Variants in ANKRD13C observed in about 807,000 individuals in gnomAD.
ANKRD13C encodes ankyrin repeat domain 13C, also known as ankyrin repeat domain-containing protein 13C.
ANKRD13C carries 16 observed loss-of-function variants against 65.5 expected under a neutral mutation model. That is an observed-to-expected ratio of 0.24 (90% CI 0.17 to 0.37). The LOEUF is 0.37. Among genes scored for constraint, ANKRD13C ranks in the 10% least tolerant of loss-of-function variants. ANKRD13C has a pLI of 1.00. For missense variants in ANKRD13C, 503 were observed against 655.9 expected (o/e 0.77, Z 2.55); for synonymous variants, 235 against 238.7 (o/e 0.98, Z 0.14).
At chr1:70,264,132 GTA>G (rs1013516672) in intron 12 of ANKRD13C, among the ~76,000 whole-genome samples, 110 of 152,010 alleles carry the variant, frequency 7.2e-4, no homozygotes, top group Non-Finnish European at 7.8e-4. Flanking sequence ...AGCTAAGAAA[GTA>G]TTTTACATTT....
intron 9 of ANKRD13C, among the ~76,000 whole-genome samples, chr1:70,286,773 G>A (rs1679639687): frequency 6.6e-6 from 1 of 152,152 alleles, no homozygotes; most frequent in African/African-American, 2.4e-5. Flanking sequence ...ATGACCTGAG[G>A]TCAGGAGTTC....
intron 6 of ANKRD13C, among the ~76,000 whole-genome samples, chr1:70,301,382 G>A (rs1165856606): frequency 3.3e-5 from 5 of 152,088 alleles, no homozygotes; most frequent in African/African-American, 9.7e-5. Flanking sequence ...GACATTATTC[G>A]ATCCCTTTAA....
chr1:70,324,822 T>C (rs2101537376), intron 3 of ANKRD13C, 31 bp downstream of exon 3: 1 of 1,447,204 alleles, frequency 6.9e-7, no homozygotes, highest in Non-Finnish European at 9.5e-7. Flanking sequence ...TTTTAGAAGA[T>C]ATATCAACAA....
At chr1:70,343,686 C>T (rs1187143536) in intron 1 of ANKRD13C, among the ~76,000 whole-genome samples, 1 of 152,106 alleles carries the variant, frequency 6.6e-6, no homozygotes, top group Non-Finnish European at 1.5e-5. Flanking sequence ...GCGTGCACCA[C>T]CATGCCCGAC....
intron 1 of ANKRD13C, among the ~76,000 whole-genome samples, chr1:70,350,211 T>C (rs1048181996): frequency 3.7e-4 from 57 of 152,268 alleles, no homozygotes; most frequent in Admixed American, 3.7e-3. Context: ...TACAGCAATA[T>C]AGTCTCCCTG....
intron 1 of ANKRD13C, among the ~76,000 whole-genome samples, chr1:70,338,308 T>C (rs1466553985): frequency 6.6e-6 from 1 of 152,198 alleles, no homozygotes; most frequent in Non-Finnish European, 1.5e-5. Flanking sequence ...TCAAGTGAAT[T>C]TTCCGCATTA....
intron 8 of ANKRD13C, chr1:70,293,707 T>C (rs1247972041): frequency 1.0e-5 from 2 of 195,980 alleles, no homozygotes; most frequent in Non-Finnish European, 1.8e-5. Flanking sequence ...GAGAATGCTA[T>C]AATGCCATTA....
intron 1 of ANKRD13C, among the ~76,000 whole-genome samples, 167 bp downstream of exon 1, chr1:70,353,812 C>T (rs1682861547): frequency 1.3e-5 from 2 of 152,238 alleles, no homozygotes; most frequent in South Asian, 4.1e-4. Context: ...GAACCAACCC[C>T]TTGACCACTG....
chr1:70,340,823 C>G (rs1488010797), intron 1 of ANKRD13C, among the ~76,000 whole-genome samples: 2 of 152,046 alleles, frequency 1.3e-5, no homozygotes, highest in Non-Finnish European at 2.9e-5. Flanking sequence ...TGTTTTAAAA[C>G]CTATTGGGGG....
intron 3 of ANKRD13C, among the ~76,000 whole-genome samples, chr1:70,318,918 T>C (rs1163500332): frequency 2.0e-5 from 3 of 152,066 alleles, no homozygotes; most frequent in Non-Finnish European, 4.4e-5. Flanking sequence ...CTTGACATCA[T>C]GATCCACCTG....
At chr1:70,339,725 T>G (rs1682217940) in intron 1 of ANKRD13C, among the ~76,000 whole-genome samples, 1 of 151,888 alleles carries the variant, frequency 6.6e-6, no homozygotes, top group African/African-American at 2.4e-5. Flanking sequence ...GCTAATGATA[T>G]ACGATGACAT....
intron 11 of ANKRD13C, among the ~76,000 whole-genome samples, chr1:70,274,238 C>T (rs1679025403): frequency 6.6e-6 from 1 of 151,436 alleles, no homozygotes; most frequent in South Asian, 2.1e-4. Context: ...CTTTGGGAGG[C>T]TGAGGTGGGT....
In ANKRD13C at chr1:70,262,874, T is replaced by C. The variant is rs114406540; in HGVS notation, c.1496-27A>G. 2,024 of 1,593,354 alleles carry C rather than the reference T, an allele frequency of 1.3e-3. 19 individuals carry two copies. The African/African-American group carries it at 0.023, about 18-fold the overall frequency. On this transcript the variant is annotated intron_variant, in intron 12 of 12. Transcript: ENST00000370944. Reference sequence around the variant, plus strand: ...TACAGAGAGAACATCAATGATAGCATTGTAAAATCAAATGTTAATATTCAT... The same window carrying C: ...TACAGAGAGAACATCAATGATAGCACTGTAAAATCAAATGTTAATATTCAT...
chr1:70,271,533 C>T lies in ANKRD13C; in HGVS notation c.1395-577G>A, dbSNP rs561867862. On this transcript the variant is annotated intron_variant, in intron 11 of 12. Coordinates refer to ENST00000370944, the MANE Select transcript of ANKRD13C (RefSeq NM_030816.5). ...GCTACGTTTCTTGAATTCTTTTGTG[C>T]TTGAGAATATCTTCAGTTGCCTCCA... is the stretch of plus-strand genomic sequence containing the variant. 8.5e-5 allele frequency among the ~76,000 whole-genome samples: 13 copies of T among 152,226 alleles called. No homozygotes were observed. The South Asian group carries it at 2.7e-3, about 32-fold the overall frequency.
intron 2 of ANKRD13C, among the ~76,000 whole-genome samples, chr1:70,335,696 A>T (rs1681993411): frequency 1.3e-5 from 2 of 149,518 alleles, no homozygotes; most frequent in Non-Finnish European, 3.0e-5. Context: ...CTTTATATAT[A>T]TAAAATATTA....
chr1:70,334,643 G>A (rs1051533282), intron 2 of ANKRD13C, among the ~76,000 whole-genome samples: 4 of 151,910 alleles, frequency 2.6e-5, no homozygotes, highest in African/African-American at 4.8e-5. Context: ...ATAAAATAAA[G>A]GCCAGGCACG....
chr1:70,354,261 A>G lies in ANKRD13C; in HGVS notation c.148T>C (p.Cys50Arg). Residue 50 changes from cysteine (C) to arginine (R), a missense_variant, in exon 1 of 13, where the codon TGT becomes CGT. Coordinates refer to ENST00000370944, the MANE Select transcript of ANKRD13C (RefSeq NM_030816.5). The part of the protein sequence containing the change: ...RSRIGKGGKA[C>R]HKIFSNHHHR... ...TGATGGTTACTGAAGATCTTATGAC[A>G]AGCTTTGCCGCCCTTGCCAATCCTG... 7 of 1,613,618 alleles carry G rather than the reference A, an allele frequency of 4.3e-6. No individual in the cohort carries two copies. Among genetic ancestry groups the G allele is most frequent in the Non-Finnish European group, 5.9e-6 (7 of 1,180,006 alleles).
intron 1 of ANKRD13C, among the ~76,000 whole-genome samples, chr1:70,353,532 C>G (rs1360993459): frequency 6.6e-6 from 1 of 152,102 alleles, no homozygotes; most frequent in African/African-American, 2.4e-5. Context: ...AAATCACAAC[C>G]AGTTGCAGTC....
chr1:70,275,712 A>G (rs988355564), intron 10 of ANKRD13C, among the ~76,000 whole-genome samples: 31 of 152,214 alleles, frequency 2.0e-4, no homozygotes, highest in Admixed American at 6.5e-4. Flanking sequence ...CTGTAATCCC[A>G]GCATTTGGGA....
Sources: gnomAD v4.1 joint callset for allele counts (sites outside exome capture counted in the v4.1 genomes callset) on GRCh38, gnomAD v4.1.1 for gene constraint, MANE v1.5 for transcripts, NCBI Gene and HGNC (gene_info 2026-07-23, HGNC 2026-07-21) for gene names.